Variants in DIP2C observed in about 807,000 individuals in gnomAD.
DIP2C encodes the protein DIP2 acetate--CoA ligase C (putative).
Under a neutral mutation model 192.4 loss-of-function variants are expected in DIP2C, and 33 were observed. That is an observed-to-expected ratio of 0.17 (90% CI 0.13 to 0.23). The LOEUF (loss-of-function observed/expected upper bound fraction) is 0.23. Among genes scored for constraint, DIP2C ranks in the 10% least tolerant of loss-of-function variants. The pLI is 1.00. For missense variants in DIP2C, 1,537 were observed against 2,110.1 expected (o/e 0.73, Z 5.32); for synonymous variants, 979 against 864.1 (o/e 1.13, Z -2.33).
intron 1 of DIP2C, among the ~76,000 whole-genome samples, chr10:499,378 A>G (rs915480871): frequency 7.2e-5 from 11 of 152,178 alleles, no homozygotes; most frequent in Non-Finnish European, 1.3e-4. Flanking sequence ...TGCTATAAAG[A>G]ACTGCCCAAG....
At chr10:371,693 G>A (rs1056219633) in intron 17 of DIP2C, among the ~76,000 whole-genome samples, 2 of 152,016 alleles carry the variant, frequency 1.3e-5, no homozygotes, top group African/African-American at 4.8e-5. Context: ...ACCCGAGGGA[G>A]GCTGGGGTGA....
At chr10:506,620 T>C (rs1172276080) in intron 1 of DIP2C, among the ~76,000 whole-genome samples, 1 of 152,204 alleles carries the variant, frequency 6.6e-6, no homozygotes, top group Non-Finnish European at 1.5e-5. Context: ...GCAACACGCA[T>C]GCCTACACCA....
At chr10:317,884 C>T (rs1428753891) in intron 31 of DIP2C, among the ~76,000 whole-genome samples, 3 of 152,240 alleles carry the variant, frequency 2.0e-5, no homozygotes, top group Non-Finnish European at 4.4e-5. Context: ...TCTCTCTCTT[C>T]ATCCCTCAAT....
chr10:687,853 C>T (rs1464844363), intron 1 of DIP2C, among the ~76,000 whole-genome samples: 1 of 152,230 alleles, frequency 6.6e-6, no homozygotes, highest in Non-Finnish European at 1.5e-5. Flanking sequence ...GGTGGGGGAA[C>T]CCTCAGATGG....
chr10:315,674 A>G (rs1956744923), intron 31 of DIP2C, among the ~76,000 whole-genome samples: 1 of 151,976 alleles, frequency 6.6e-6, no homozygotes, highest in Non-Finnish European at 1.5e-5. Flanking sequence ...CTTCTCATTT[A>G]CTCTGCCTGG....
In DIP2C at chr10:652,963, G is replaced by A. The variant is rs1029108412; in HGVS notation, c.85+36531C>T. On this transcript the variant is annotated intron_variant, in intron 1 of 36. Coordinates refer to ENST00000280886, the MANE Select transcript of DIP2C (RefSeq NM_014974.3). This position sits in a 1 kb window ranked among gnomAD's most constrained non-coding sequence, Gnocchi z 4.5. Reference sequence around the variant, plus strand: ...GCCATAAACCCTCGCAAGACTGTGGGCATCTCAAGGTGCCCCACGTCCCCA... The same window carrying A: ...GCCATAAACCCTCGCAAGACTGTGGACATCTCAAGGTGCCCCACGTCCCCA... 6.6e-6 allele frequency among the ~76,000 whole-genome samples: 1 copy of A among 152,078 alleles called. No individual in the cohort carries two copies. Among genetic ancestry groups the A allele is most frequent in the East Asian group, 1.9e-4 (1 of 5,168 alleles).
intron 1 of DIP2C, among the ~76,000 whole-genome samples, chr10:657,094 A>C (rs1461884683): frequency 1.0e-4 from 15 of 148,500 alleles, no homozygotes; most frequent in East Asian, 2.0e-4. Context: ...ACTGGACTTG[A>C]CACTGGACCT....
intron 26 of DIP2C, among the ~76,000 whole-genome samples, chr10:348,406 G>A (rs1958624644): frequency 6.6e-6 from 1 of 152,156 alleles, no homozygotes; most frequent in Admixed American, 6.5e-5. Context: ...TTTCTCCAGG[G>A]AAGACCCTGC....
intron 1 of DIP2C, among the ~76,000 whole-genome samples, chr10:490,848 T>C (rs1844385066): frequency 6.6e-6 from 1 of 152,168 alleles, no homozygotes. Context: ...AGGAGAGATT[T>C]ACACACAAGT....
chr10:615,946 C>T (rs904235691), intron 1 of DIP2C, among the ~76,000 whole-genome samples: 1 of 152,168 alleles, frequency 6.6e-6, no homozygotes, highest in Non-Finnish European at 1.5e-5. Flanking sequence ...AGATACAGCC[C>T]GCTCACATTA....
rs1049223920 is a variant in DIP2C, at chr10:593,738, T to C, written c.85+95756A>G. On this transcript the variant is annotated intron_variant, in intron 1 of 36. Coordinates refer to ENST00000280886, the MANE Select transcript of DIP2C (RefSeq NM_014974.3). ...AAGTGCTGAAGAAATAAAACCGACA[T>C]GCACTGACCTCCGATAGGGCCTCCT... is the stretch of plus-strand genomic sequence containing the variant. Among the ~76,000 whole-genome samples, 4 of 152,222 alleles carry C rather than the reference T, an allele frequency of 2.6e-5. No homozygotes were observed. In the East Asian group the frequency reaches 5.8e-4, roughly 22 times the overall value.
chr10:362,794 G>C (rs1959694526), intron 21 of DIP2C, 103 bp from the exon 22 acceptor site: 7 of 1,249,626 alleles, frequency 5.6e-6, no homozygotes, highest in Admixed American at 2.7e-5. Context: ...AGTCTGTGCA[G>C]TATAAGCACT....
intron 1 of DIP2C, among the ~76,000 whole-genome samples, chr10:683,455 A>G (rs1831201999): frequency 6.6e-6 from 1 of 152,180 alleles, no homozygotes; most frequent in Non-Finnish European, 1.5e-5. Context: ...ACACAGAAGG[A>G]AGATTAAAGC....
At chr10:588,599 G>A (rs1482602464) in intron 1 of DIP2C, among the ~76,000 whole-genome samples, 4 of 152,226 alleles carry the variant, frequency 2.6e-5, no homozygotes, top group African/African-American at 9.6e-5. Flanking sequence ...AGAGGTCCCA[G>A]GAGGCAAGTC....
chr10:305,746 G>A (rs988410838), intron 32 of DIP2C, among the ~76,000 whole-genome samples: 1 of 152,086 alleles, frequency 6.6e-6, no homozygotes, highest in Non-Finnish European at 1.5e-5. Flanking sequence ...TCAGGATCAA[G>A]CAGTCCTCCC....
chr10:538,541 A>G (rs1374346414), intron 1 of DIP2C, among the ~76,000 whole-genome samples: 6 of 152,110 alleles, frequency 3.9e-5, no homozygotes, highest in African/African-American at 1.2e-4. Flanking sequence ...AGGGTGAGAG[A>G]GGGATGGTTC....
chr10:440,798 T>TG, intron 4 of DIP2C, 73 bp downstream of exon 4: 1 of 1,516,870 alleles, frequency 6.6e-7, no homozygotes, highest in African/African-American at 1.4e-5. Flanking sequence ...CAAAAACCCC[T>TG]GATTGCTGGG....
intron 28 of DIP2C, among the ~76,000 whole-genome samples, chr10:344,364 G>A (rs1440517201): frequency 6.9e-6 from 1 of 145,940 alleles, no homozygotes; most frequent in Non-Finnish European, 1.5e-5. Context: ...GGCACACAAG[G>A]CTGCGAAGTC....
intron 1 of DIP2C, among the ~76,000 whole-genome samples, chr10:554,626 T>C (rs1023521437): frequency 2.6e-5 from 4 of 152,372 alleles, no homozygotes; most frequent in Admixed American, 2.0e-4. Flanking sequence ...TCCTCCCCAC[T>C]GCCCTGTTCC....
Sources: allele counts gnomAD v4.1 joint callset (sites outside exome capture counted in the v4.1 genomes callset), GRCh38; gene constraint gnomAD v4.1.1; non-coding constraint Gnocchi (gnomAD v3.1); transcripts MANE v1.5; gene names NCBI Gene and HGNC (gene_info 2026-07-23, HGNC 2026-07-21).